PCSK5: variants seen among roughly 807,000 people sequenced by gnomAD.
PCSK5 encodes proprotein convertase subtilisin/kexin type 5.
Under a neutral mutation model 233.2 loss-of-function variants are expected in PCSK5, and 129 were observed. That is an observed-to-expected ratio of 0.55 (90% CI 0.48 to 0.64). The LOEUF is 0.64. PCSK5 is among the 30% of genes least tolerant of loss of function. PCSK5 has a pLI of 0.00. For synonymous variants in PCSK5, 825 were observed against 879.2 expected, an observed-to-expected ratio of 0.94 and a Z score of 1.09; for missense variants, 2,076 against 2,430.1, an observed-to-expected ratio of 0.85 and a Z score of 3.06.
Position 76,026,947 on chromosome 9 carries a change from C to T in PCSK5, c.556-14C>T, listed in dbSNP as rs2131495679. 2 of 1,595,714 alleles carry T rather than the reference C, an allele frequency of 1.3e-6. No individual in the cohort carries two copies. The highest frequency in any genetic ancestry group is 2.2e-5 in the East Asian group (1 of 44,496). ...TCCATTTCCTTTCCCTTGCTCTCTCCTCTGTGGCCATAGGATGCTCTGGCA... is the reference window on the plus strand; with the variant it reads ...TCCATTTCCTTTCCCTTGCTCTCTCTTCTGTGGCCATAGGATGCTCTGGCA... On this transcript the variant is annotated splice_polypyrimidine_tract_variant and intron_variant, in intron 4 of 37. Coordinates refer to ENST00000674117, the MANE Select transcript of PCSK5 (RefSeq NM_001372043.1).
intron 34 of PCSK5, among the ~76,000 whole-genome samples, chr9:76,333,278 T>A (rs775874034): frequency 2.0e-4 from 30 of 152,224 alleles, no homozygotes; most frequent in Non-Finnish European, 3.7e-4. Context: ...GAGGTTCTTT[T>A]TCTTCACCTT....
Position 76,360,469 on chromosome 9 carries a change from C to G in PCSK5, c.*1547C>G, listed in dbSNP as rs148514595. ...TACTGAAATAAGGTGGGAAAATAAG[C>G]ATCCTAAATATAATTAAAGTCATGC... On this transcript the variant is annotated 3_prime_UTR_variant, in exon 38 of 38. Coordinates refer to ENST00000674117, the MANE Select transcript of PCSK5 (RefSeq NM_001372043.1). 494 of 152,302 alleles carry G rather than the reference C, an allele frequency of 3.2e-3. 3 individuals carry two copies. Among genetic ancestry groups the G allele is most frequent in the African/African-American group, 0.011 (475 of 41,564 alleles). 9.4% of individuals were successfully genotyped at this position (152,302 alleles called of 1,614,324 possible).
At chr9:75,914,919 A>G (rs2131240760) in intron 1 of PCSK5, among the ~76,000 whole-genome samples, 1 of 152,228 alleles carries the variant, frequency 6.6e-6, no homozygotes. Flanking sequence ...CACCCCTTTC[A>G]TTAAGCTGCC....
intron 2 of PCSK5, among the ~76,000 whole-genome samples, chr9:75,978,936 A>G (rs62555952): frequency 6.8e-6 from 1 of 148,000 alleles, no homozygotes; most frequent in South Asian, 2.1e-4. Flanking sequence ...GCAATGGCAC[A>G]ATCTTGGCTC....
Position 75,907,163 on chromosome 9 carries a change from T to G in PCSK5, c.192+15790T>G, listed in dbSNP as rs888091735. 5.9e-5 allele frequency among the ~76,000 whole-genome samples: 9 copies of G among 152,186 alleles called. No homozygotes were observed. The South Asian group carries it at 6.2e-4, about 11-fold the overall frequency. ...GCATAATAGCTTGCCCAGAATTCTC[T>G]TAGGGAATTAAATATAGTTAAGTTT... On this transcript the variant is annotated intron_variant, in intron 1 of 37. Transcript: ENST00000674117.
At chr9:75,890,181 C>G (rs1025106654), upstream of PCSK5, among the ~76,000 whole-genome samples, 2 of 152,204 alleles carry the variant, frequency 1.3e-5, no homozygotes, top group African/African-American at 4.8e-5. Context: ...TGTGTGGTAG[C>G]TTCTCCCGGG....
At chr9:75,900,216 A>AC (rs1313384078) in intron 1 of PCSK5, among the ~76,000 whole-genome samples, 1 of 152,090 alleles carries the variant, frequency 6.6e-6, no homozygotes, top group Admixed American at 6.6e-5. Flanking sequence ...TAGCTGGAGG[A>AC]CCCTAGATAA....
intron 5 of PCSK5, among the ~76,000 whole-genome samples, chr9:76,048,158 A>G (rs1255336934): frequency 6.6e-6 from 1 of 152,176 alleles, no homozygotes; most frequent in East Asian, 1.9e-4. Flanking sequence ...TTCATTGTAT[A>G]AAACCCTGTG....
At chr9:76,141,547 A>G (rs1211767212) in intron 10 of PCSK5, among the ~76,000 whole-genome samples, 1 of 152,100 alleles carries the variant, frequency 6.6e-6, no homozygotes, top group Non-Finnish European at 1.5e-5. Context: ...TGACACAGGT[A>G]TACATCCATG....
intron 20 of PCSK5, chr9:76,193,430 A>C: frequency 2.0e-6 from 2 of 995,966 alleles, no homozygotes; most frequent in Admixed American, 3.7e-5. Flanking sequence ...GCCAAAAAGA[A>C]AAAAAAAAAA....
chr9:76,314,699 C>T (rs560068418), intron 30 of PCSK5, among the ~76,000 whole-genome samples: 51 of 152,184 alleles, frequency 3.4e-4, no homozygotes, highest in African/African-American at 1.0e-3. Flanking sequence ...TGCAATGGCG[C>T]GATCTCGGCT....
chr9:76,350,950 G>A (rs556663443), intron 36 of PCSK5, 22 bp downstream of exon 36: 8 of 1,249,586 alleles, frequency 6.4e-6, no homozygotes, highest in Middle Eastern at 1.9e-4. Context: ...TGGGGGTCCT[G>A]GGCCTTCTGC....
At chr9:76,043,652 T>C (rs1478759955) in intron 5 of PCSK5, among the ~76,000 whole-genome samples, 2 of 152,142 alleles carry the variant, frequency 1.3e-5, no homozygotes, top group South Asian at 2.1e-4. Flanking sequence ...AAAATGAAAA[T>C]GGGCCATGCA....
intron 9 of PCSK5, among the ~76,000 whole-genome samples, chr9:76,116,556 TGGAGA>T (rs1832433098): frequency 6.6e-6 from 1 of 152,026 alleles, no homozygotes. Context: ...CCCTTGAGTG[TGGAGA>T]TGCTGCATAG....
At chr9:75,934,953 A>G (rs1441518251) in intron 2 of PCSK5, among the ~76,000 whole-genome samples, 2 of 152,168 alleles carry the variant, frequency 1.3e-5, no homozygotes, top group African/African-American at 4.8e-5. Context: ...AAACATGAAA[A>G]TGTTACAAAG....
At chr9:76,311,758 A>G (rs1250869697) in intron 30 of PCSK5, among the ~76,000 whole-genome samples, 9 of 152,172 alleles carry the variant, frequency 5.9e-5, no homozygotes, top group Admixed American at 5.9e-4. Flanking sequence ...AGCGGCCAAC[A>G]AGGTCATCAC....
At chr9:76,227,714 A>C in intron 21 of PCSK5, 109 bp downstream of exon 21, 1 of 703,738 alleles carries the variant, frequency 1.4e-6, no homozygotes, top group Non-Finnish European at 2.5e-6. Context: ...AGTGAAAAAG[A>C]AGCAAACTCT....
rs771096991 is a variant in PCSK5 at position 76,328,238 on chromosome 9, C to G, written c.4569C>G (p.Leu1523=). The G allele has an allele frequency of 6.2e-7, 1 of 1,603,308 alleles. No homozygotes were observed. Residue 1523 remains leucine (L), a splice_region_variant and synonymous_variant, in exon 33 of 38, where the codon CTC becomes CTG. Coordinates refer to ENST00000674117, the MANE Select transcript of PCSK5 (RefSeq NM_001372043.1). ...CQTCPMNSLL[L]NTTCVKDCPE... is the part of the protein sequence containing the mutation. ...CATGCCCCATGAACAGCCTTCTTCT[C>G]AGTGAGTTACTTCTCCGAGGACAGC...
At chr9:75,906,355 G>A (rs1826264238) in intron 1 of PCSK5, among the ~76,000 whole-genome samples, 1 of 152,016 alleles carries the variant, frequency 6.6e-6, no homozygotes, top group Admixed American at 6.6e-5. Flanking sequence ...CCTTCTGAGT[G>A]GCTGAGATTA....
Sources: gnomAD v4.1 joint callset for allele counts (sites outside exome capture counted in the v4.1 genomes callset) on GRCh38, gnomAD v4.1.1 for gene constraint, MANE v1.5 for transcripts, NCBI Gene and HGNC (gene_info 2026-07-23, HGNC 2026-07-21) for gene names.